The following ATP13A4 variants were observed in gnomAD, a reference collection of about 807,000 sequenced individuals.
ATP13A4 encodes probable cation-transporting ATPase 13A4.
Under a neutral mutation model 142.5 loss-of-function variants are expected in ATP13A4, and 114 were observed. The ratio of observed to expected loss-of-function variants is 0.80; its 90% CI spans 0.69 to 0.93. ATP13A4 has a LOEUF of 0.93. Among genes scored for constraint, ATP13A4 ranks in the 40% least tolerant of loss-of-function variants. ATP13A4 has a pLI of 0.00. For synonymous variants in ATP13A4, 488 were observed against 514.8 expected (o/e 0.95, Z 0.70); for missense variants, 1,392 against 1,454.0 (o/e 0.96, Z 0.69).
At chr3:193,475,530 A>C (rs1718913769) in intron 8 of ATP13A4, among the ~76,000 whole-genome samples, 1 of 151,962 alleles carries the variant, frequency 6.6e-6, no homozygotes, top group South Asian at 2.1e-4. Flanking sequence ...GTAAGAATAA[A>C]TAAAAACCAA....
At chr3:193,591,729 T>TATC (rs1724795256) in intron 1 of ATP13A4, among the ~76,000 whole-genome samples, 1 of 152,238 alleles carries the variant, frequency 6.6e-6, no homozygotes, top group African/African-American at 2.4e-5. Context: ...TAACCATATA[T>TATC]AAATGGTGAT....
rs763261627 is a variant in ATP13A4 at position 193,402,630 on chromosome 3, C to G, written c.*22G>C. ...TTTTGTCATTGTTTCTCTGTAATATCAACTTGGATATCACATGTCCTTCAG... is the reference window on the plus strand; with the variant it reads ...TTTTGTCATTGTTTCTCTGTAATATGAACTTGGATATCACATGTCCTTCAG... On this transcript the variant is annotated 3_prime_UTR_variant, in exon 30 of 30. Coordinates refer to ENST00000342695, the MANE Select transcript of ATP13A4 (RefSeq NM_032279.4). 4.9e-6 allele frequency: 4 copies of G among 820,846 alleles called. No homozygotes were observed. The East Asian group carries it at 9.7e-5, about 20-fold the overall frequency. The allele number at this position is 820,846 out of a possible 1,614,324, so 50.8% of individuals were successfully genotyped here.
Position 193,497,282 on chromosome 3 carries a change from G to A in ATP13A4, c.382-4122C>T, listed in dbSNP as rs143451602. 1.4e-3 allele frequency among the ~76,000 whole-genome samples: 209 copies of A among 152,232 alleles called. 1 individual carries two copies. Among genetic ancestry groups the A allele is most frequent in the African/African-American group, 4.9e-3 (203 of 41,552 alleles). Reference sequence around the variant, plus strand: ...AGACCTAAACAGACATTTTTCAAAAGAAGACACACAAATGGCTCACAGATA... The same window carrying A: ...AGACCTAAACAGACATTTTTCAAAAAAAGACACACAAATGGCTCACAGATA... On this transcript the variant is annotated intron_variant, in intron 3 of 29. Coordinates refer to ENST00000342695, the MANE Select transcript of ATP13A4 (RefSeq NM_032279.4).
chr3:193,438,245 T>C (rs1716414605), intron 23 of ATP13A4, among the ~76,000 whole-genome samples: 2 of 152,148 alleles, frequency 1.3e-5, no homozygotes. Flanking sequence ...ATTCCAATCT[T>C]CTAAAAATAA....
At chr3:193,430,403 G>T (rs377506512) in intron 25 of ATP13A4, among the ~76,000 whole-genome samples, 3 of 152,072 alleles carry the variant, frequency 2.0e-5, no homozygotes, top group African/African-American at 7.2e-5. Context: ...ACTAAATGTT[G>T]TTCTCATGAA....
At chr3:193,415,739 GCAGTTGC>G (rs1332683994) in intron 25 of ATP13A4, among the ~76,000 whole-genome samples, 1 of 151,400 alleles carries the variant, frequency 6.6e-6, no homozygotes, top group Non-Finnish European at 1.5e-5. Flanking sequence ...GCTAACAAAT[GCAGTTGC>G]CTAGGGCAAA....
chr3:193,439,546 T>C (rs947431806), intron 21 of ATP13A4, among the ~76,000 whole-genome samples: 2 of 152,200 alleles, frequency 1.3e-5, no homozygotes, highest in African/African-American at 4.8e-5. Context: ...GTCATAGTTG[T>C]TTGTGCTGTT....
chr3:193,501,477 A>G (rs1420983112), intron 3 of ATP13A4, among the ~76,000 whole-genome samples: 1 of 151,902 alleles, frequency 6.6e-6, no homozygotes, highest in Non-Finnish European at 1.5e-5. Context: ...ATTCCCAGCT[A>G]CTTTGGAGGC....
At chr3:193,428,970 A>T (rs1403248766) in intron 25 of ATP13A4, among the ~76,000 whole-genome samples, 1 of 151,936 alleles carries the variant, frequency 6.6e-6, no homozygotes, top group Non-Finnish European at 1.5e-5. Flanking sequence ...AGAAGACAAA[A>T]ATTCAATTAG....
At chr3:193,506,980 T>C (rs139732819) in intron 2 of ATP13A4, among the ~76,000 whole-genome samples, 4 of 152,318 alleles carry the variant, frequency 2.6e-5, no homozygotes, top group Admixed American at 1.3e-4. Context: ...AACCTAATTC[T>C]ATCCTTTTAC....
rs954427915 is a variant in ATP13A4 at position 193,506,379 on chromosome 3, G to A, written c.235-3740C>T. ...CTCCTCTTTATCAAAAATATTAACC[G>A]GATCAGTCCTTGAACTCTAAAAAAA... On this transcript the variant is annotated intron_variant, in intron 2 of 29. Coordinates refer to ENST00000342695, the MANE Select transcript of ATP13A4 (RefSeq NM_032279.4). Among the ~76,000 whole-genome samples the A allele has an allele frequency of 6.6e-5, 10 of 152,006 alleles. No individual in the cohort carries two copies. In the East Asian group the frequency reaches 7.7e-4, roughly 12 times the overall value.
chr3:193,567,059 T>TTGTA (rs10637972), intron 2 of ATP13A4, among the ~76,000 whole-genome samples: 107,602 of 151,478 alleles, frequency 0.71, 38,382 homozygotes, highest in African/African-American at 0.76. Context: ...TTTATTCAAA[T>TTGTA]TGGGTACAAA....
intron 16 of ATP13A4, among the ~76,000 whole-genome samples, chr3:193,456,641 A>G (rs1717629650): frequency 6.6e-6 from 1 of 152,208 alleles, no homozygotes; most frequent in Non-Finnish European, 1.5e-5. Flanking sequence ...GACTGGAGGC[A>G]GAGGGTCAAT....
intron 25 of ATP13A4, among the ~76,000 whole-genome samples, chr3:193,419,275 T>C (rs1352704073): frequency 6.7e-6 from 1 of 150,020 alleles, no homozygotes; most frequent in African/African-American, 2.5e-5. Flanking sequence ...AGCTGCTCCA[T>C]ATACCCTTCT....
intron 2 of ATP13A4, among the ~76,000 whole-genome samples, chr3:193,512,254 G>A (rs563953026): frequency 2.6e-5 from 4 of 152,148 alleles, no homozygotes; most frequent in African/African-American, 4.8e-5. Context: ...TTAAGTTCGC[G>A]TGGAGGGGTT....
At chr3:193,458,800 T>C in intron 14 of ATP13A4, 1 of 599,794 alleles carries the variant, frequency 1.7e-6, no homozygotes, top group Non-Finnish European at 3.0e-6. Context: ...ATAAGTACAA[T>C]TATATTAATA....
chr3:193,439,422 C>T (rs976827071), intron 21 of ATP13A4, among the ~76,000 whole-genome samples: 6 of 152,160 alleles, frequency 3.9e-5, no homozygotes, highest in African/African-American at 1.2e-4. Context: ...GTCATCTTAA[C>T]ATTTTCACTA....
intron 25 of ATP13A4, among the ~76,000 whole-genome samples, chr3:193,423,893 G>A (rs1319212433): frequency 6.7e-6 from 1 of 149,342 alleles, no homozygotes; most frequent in Non-Finnish European, 1.5e-5. Flanking sequence ...AATTGTCCCT[G>A]TTTGGTGGTG....
intron 29 of ATP13A4, among the ~76,000 whole-genome samples, chr3:193,406,900 C>T (rs141746485): frequency 1.6e-3 from 243 of 152,202 alleles, no homozygotes; most frequent in African/African-American, 5.5e-3. Context: ...ATTTCTTTAG[C>T]GATGATGAAA....
Sources: allele counts gnomAD v4.1 joint callset (sites outside exome capture counted in the v4.1 genomes callset), GRCh38; gene constraint gnomAD v4.1.1; transcripts MANE v1.5; gene names NCBI Gene and HGNC (gene_info 2026-07-23, HGNC 2026-07-21).